Variants in DTD1 observed in about 807,000 individuals in gnomAD.
The protein encoded by DTD1 is D-tyrosyl-tRNA deacylase 1 homolog.
Under a neutral mutation model 25.6 loss-of-function variants are expected in DTD1, and 13 were observed. The observed-to-expected ratio is 0.51, with a 90% confidence interval of 0.33 to 0.81. The LOEUF is 0.81. Ranked by LOEUF, DTD1 falls within the 30% of genes least tolerant of loss-of-function variation. The probability of loss-of-function intolerance (pLI) is 0.02; values close to 1 mark genes in which losing one functional copy is unlikely to be tolerated. For synonymous variants in DTD1, 110 were observed against 103.6 expected, an observed-to-expected ratio of 1.06 and a Z score of -0.37; for missense variants, 193 against 266.4, an observed-to-expected ratio of 0.72 and a Z score of 1.92.
chr20:18,653,984 A>G (rs2060883064), intron 4 of DTD1, among the ~76,000 whole-genome samples: 1 of 152,252 alleles, frequency 6.6e-6, no homozygotes, highest in Non-Finnish European at 1.5e-5. Context: ...ATCCCAATAG[A>G]AAACAGTCTT....
At chr20:18,687,963 A>G (rs2061024047) in intron 4 of DTD1, among the ~76,000 whole-genome samples, 1 of 152,248 alleles carries the variant, frequency 6.6e-6, no homozygotes, top group Admixed American at 6.5e-5. Context: ...GCAAGGTATC[A>G]TCGCATCCCA....
At chr20:18,667,168 C>G (rs1219749466) in intron 4 of DTD1, among the ~76,000 whole-genome samples, 1 of 152,092 alleles carries the variant, frequency 6.6e-6, no homozygotes, top group African/African-American at 2.4e-5. Context: ...AAAAGGAAAC[C>G]CGACCTCTCG....
At chr20:18,755,928 C>T (rs571992594) in intron 5 of DTD1, among the ~76,000 whole-genome samples, 5 of 152,142 alleles carry the variant, frequency 3.3e-5, no homozygotes, top group African/African-American at 1.2e-4. Flanking sequence ...CCTCTCCAGC[C>T]CCTGTCGTTT....
intron 4 of DTD1, among the ~76,000 whole-genome samples, chr20:18,714,883 C>T (rs1051504879): frequency 6.6e-6 from 1 of 152,204 alleles, no homozygotes; most frequent in East Asian, 1.9e-4. Context: ...GCCGACACTC[C>T]TGCCCCTTCA....
chr20:18,654,508 A>G (rs1159486344), intron 4 of DTD1, among the ~76,000 whole-genome samples: 1 of 152,228 alleles, frequency 6.6e-6, no homozygotes, highest in Non-Finnish European at 1.5e-5. Flanking sequence ...AAAGTATTCA[A>G]GTCCTTGCCA....
chr20:18,596,255 C>G lies in DTD1; in HGVS notation c.370+14C>G. On this transcript the variant is annotated intron_variant, in intron 3 of 5. Transcript: ENST00000377452. ...AGCTTATCAAAGGTAAGCAGGAGAG[C>G]CACATCCAGGAACGGGTCTTTGGGA... 2 of 1,608,814 alleles carry G rather than the reference C, an allele frequency of 1.2e-6. 1 individual carries two copies. Among genetic ancestry groups the G allele is most frequent in the Middle Eastern group, 3.4e-4 (2 of 5,942 alleles).
chr20:18,759,360 T>TGCA (rs1158269377), intron 5 of DTD1, among the ~76,000 whole-genome samples: 1 of 152,262 alleles, frequency 6.6e-6, no homozygotes, highest in African/African-American at 2.4e-5. Context: ...GGCATGTTTT[T>TGCA]GCAGTGGCTG....
chr20:18,658,189 ATGTGTGTGTGTGTG>A lies in DTD1; in HGVS notation c.477+29982_477+29995del, dbSNP rs60197503. On this transcript the variant is annotated intron_variant, in intron 4 of 5. Transcript: ENST00000377452. ...TAGGCAGAGGGCATAAGAGTCTGAGATGTGTGTGTGTGTGTGTGTGTGTGTGTGTGTGTGTGTGT... is the reference window on the plus strand; with the variant it reads ...TAGGCAGAGGGCATAAGAGTCTGAGATGTGTGTGTGTGTGTGTGTGTGTGT... Among the ~76,000 whole-genome samples, 19 of 146,232 alleles carry A rather than the reference ATGTGTGTGTGTGTG, an allele frequency of 1.3e-4. No homozygotes were observed. In the South Asian group the frequency reaches 2.2e-3, roughly 17 times the overall value.
intron 2 of DTD1, 142 bp downstream of exon 2, chr20:18,593,963 C>T (rs547610496): frequency 2.1e-5 from 14 of 681,560 alleles, no homozygotes; most frequent in East Asian, 8.6e-5. Flanking sequence ...TGGTTATCTC[C>T]GTGTTTCAGA....
intron 3 of DTD1, among the ~76,000 whole-genome samples, chr20:18,607,450 C>T (rs892513804): frequency 8.5e-5 from 13 of 152,240 alleles, no homozygotes; most frequent in African/African-American, 3.1e-4. Context: ...TGAGCCACTG[C>T]GCCCGGCTCT....
intron 4 of DTD1, among the ~76,000 whole-genome samples, chr20:18,721,687 C>T (rs2061204075): frequency 6.6e-6 from 1 of 152,092 alleles, no homozygotes; most frequent in Non-Finnish European, 1.5e-5. Context: ...TGGGCCTGGT[C>T]GTTTTCTTGT....
chr20:18,629,819 T>G (rs1235942490), intron 4 of DTD1, among the ~76,000 whole-genome samples: 1 of 151,944 alleles, frequency 6.6e-6, no homozygotes, highest in African/African-American at 2.4e-5. Flanking sequence ...CAGGCACATC[T>G]TCACATGGCC....
At chr20:18,728,651 C>G (rs1229305598) in intron 4 of DTD1, among the ~76,000 whole-genome samples, 1 of 152,040 alleles carries the variant, frequency 6.6e-6, no homozygotes, top group Non-Finnish European at 1.5e-5. Flanking sequence ...GGGATGTGGC[C>G]CTAAGGTTGT....
intron 5 of DTD1, among the ~76,000 whole-genome samples, chr20:18,750,378 C>T (rs1037224235): frequency 6.6e-6 from 1 of 152,198 alleles, no homozygotes; most frequent in African/African-American, 2.4e-5. Flanking sequence ...AGCCCCCTCA[C>T]TATGAAGGGA....
chr20:18,593,498 G>A (rs1019068072), intron 1 of DTD1, among the ~76,000 whole-genome samples: 2 of 152,130 alleles, frequency 1.3e-5, no homozygotes, highest in Non-Finnish European at 2.9e-5. Flanking sequence ...CCTGCTTAAT[G>A]GTTGTTCACT....
At chr20:18,612,191 C>T (rs970196923) in intron 3 of DTD1, among the ~76,000 whole-genome samples, 8 of 151,616 alleles carry the variant, frequency 5.3e-5, no homozygotes, top group African/African-American at 1.7e-4. Flanking sequence ...CCCGCCACTA[C>T]GCCCGGCTAA....
chr20:18,718,721 G>C (rs2061191254), intron 4 of DTD1, among the ~76,000 whole-genome samples: 2 of 152,088 alleles, frequency 1.3e-5, no homozygotes, highest in South Asian at 2.1e-4. Context: ...ACCCCTCTAG[G>C]TTCATAACAT....
chr20:18,671,951 T>C (rs2060952515), intron 4 of DTD1, among the ~76,000 whole-genome samples: 1 of 152,200 alleles, frequency 6.6e-6, no homozygotes, highest in South Asian at 2.1e-4. Flanking sequence ...ATGCAAAAGC[T>C]GGCTGGGCGC....
intron 4 of DTD1, among the ~76,000 whole-genome samples, chr20:18,645,030 A>G (rs2060845356): frequency 6.6e-6 from 1 of 152,194 alleles, no homozygotes; most frequent in African/African-American, 2.4e-5. Context: ...GCACGTTTGT[A>G]GTCCCAGCCA....
Sources: allele counts gnomAD v4.1 joint callset (sites outside exome capture counted in the v4.1 genomes callset), GRCh38; gene constraint gnomAD v4.1.1; transcripts MANE v1.5; gene names NCBI Gene and HGNC (gene_info 2026-07-23, HGNC 2026-07-21).